The following CDH11 variants were observed in gnomAD, a reference collection of about 807,000 sequenced individuals.
The protein encoded by CDH11 is cadherin 11.
A neutral mutation model predicts 67.8 loss-of-function variants in CDH11; 11 were observed. The ratio of observed to expected loss-of-function variants is 0.16; its 90% confidence interval spans 0.10 to 0.27. The LOEUF is 0.27. Among genes scored for constraint, CDH11 ranks in the 10% least tolerant of loss-of-function variants. CDH11 has a pLI of 1.00. For synonymous variants in CDH11, 419 were observed against 400.0 expected (o/e 1.05, Z -0.57); for missense variants, 847 against 1,031.2 (o/e 0.82, Z 2.45).
intron 1 of CDH11, among the ~76,000 whole-genome samples, chr16:65,113,023 C>T (rs1195773917): frequency 6.6e-6 from 1 of 152,226 alleles, no homozygotes; most frequent in African/African-American, 2.4e-5. Flanking sequence ...CACGCTGGCT[C>T]ACGCCTGTAA....
At chr16:65,122,892 C>G (rs894350359), upstream of CDH11, among the ~76,000 whole-genome samples, 1 of 152,204 alleles carries the variant, frequency 6.6e-6, no homozygotes, top group Non-Finnish European at 1.5e-5. Context: ...CAGTGGCCCC[C>G]GCCGGTAGTG....
At chr16:64,979,190 G>A (rs1169919961) in intron 8 of CDH11, among the ~76,000 whole-genome samples, 4 of 152,174 alleles carry the variant, frequency 2.6e-5, no homozygotes, top group East Asian at 3.9e-4. Context: ...TGGCTCATGC[G>A]TGTAATTCCA....
At chr16:65,095,573 C>T (rs1250492906) in intron 1 of CDH11, among the ~76,000 whole-genome samples, 8 of 152,058 alleles carry the variant, frequency 5.3e-5, no homozygotes, top group Admixed American at 5.2e-4. Context: ...GTGAAAAATC[C>T]TCCTAGATTA....
intron 4 of CDH11, among the ~76,000 whole-genome samples, chr16:64,993,403 A>G (rs370526640): frequency 4.7e-4 from 72 of 152,324 alleles, no homozygotes; most frequent in African/African-American, 1.6e-3. Context: ...ATCTTCCCAG[A>G]GTATAATAAA....
chr16:65,122,127 G>A (rs1313244327), upstream of CDH11: 3 of 516,104 alleles, frequency 5.8e-6, no homozygotes, highest in Non-Finnish European at 3.4e-6. Flanking sequence ...CGGGCAGGCG[G>A]GTGCGGGGCG....
At chr16:64,999,235 C>T (rs1400676734) in intron 3 of CDH11, among the ~76,000 whole-genome samples, 1 of 152,152 alleles carries the variant, frequency 6.6e-6, no homozygotes, top group Non-Finnish European at 1.5e-5. Context: ...AGTAAGTCTT[C>T]CTCTCAGCTC....
chr16:64,955,144 G>C (rs1023545937), intron 11 of CDH11, among the ~76,000 whole-genome samples: 2 of 152,104 alleles, frequency 1.3e-5, no homozygotes, highest in Non-Finnish European at 2.9e-5. Context: ...TACTCGGGAG[G>C]CTGAGGCAGG....
chr16:64,954,948 T>TAAA lies in CDH11; in HGVS notation c.1643-3933_1643-3931dup, dbSNP rs71143536. Among the ~76,000 whole-genome samples the TAAA allele has an allele frequency of 9.5e-3, 1,159 of 121,364 alleles. 43 individuals are homozygous for TAAA. The highest frequency in any genetic ancestry group is 0.075 in the Admixed American group (947 of 12,560). The allele number at this position is 121,364 out of a possible 152,430, so 79.6% of individuals were successfully genotyped here. On this transcript the variant is annotated intron_variant, in intron 11 of 12. Coordinates refer to ENST00000268603, the MANE Select transcript of CDH11 (RefSeq NM_001797.4). The stretch of plus-strand genomic sequence containing the variant: ...GTAAAACCCTCTCTCTACTAAAAAA[T>TAAA]AAAAAAAAAAAAAAAAGGCCAGGCA...
intron 1 of CDH11, among the ~76,000 whole-genome samples, chr16:65,081,961 G>C (rs556928800): frequency 5.3e-5 from 8 of 152,180 alleles, no homozygotes; most frequent in African/African-American, 1.9e-4. Context: ...GCTGAGGACT[G>C]AGTCCTCCAG....
At chr16:65,056,339 C>T (rs568232355) in intron 1 of CDH11, among the ~76,000 whole-genome samples, 30 of 152,254 alleles carry the variant, frequency 2.0e-4, no homozygotes, top group African/African-American at 7.0e-4. Flanking sequence ...ACTAAAGATG[C>T]CATCTTGGAC....
chr16:64,965,939 T>G (rs999028777), intron 11 of CDH11, among the ~76,000 whole-genome samples: 1 of 152,044 alleles, frequency 6.6e-6, no homozygotes, highest in Non-Finnish European at 1.5e-5. Flanking sequence ...TGTTATTTGA[T>G]AGCAGACTTG....
intron 6 of CDH11, chr16:64,991,532 T>C: frequency 2.2e-6 from 1 of 462,662 alleles, no homozygotes; most frequent in Admixed American, 3.3e-5. Context: ...CGATATTTTG[T>C]TTCCAGGGTT....
At chr16:64,951,593 C>A (rs2071363168) in intron 11 of CDH11, among the ~76,000 whole-genome samples, 1 of 152,094 alleles carries the variant, frequency 6.6e-6, no homozygotes, top group African/African-American at 2.4e-5. Context: ...CTTCAGCAAT[C>A]TACTCTATGT....
chr16:65,013,719 C>T (rs1404958395), intron 2 of CDH11, among the ~76,000 whole-genome samples: 5 of 151,522 alleles, frequency 3.3e-5, no homozygotes, highest in African/African-American at 9.7e-5. Flanking sequence ...CCCAGCTACT[C>T]GGGAGGCTGA....
intron 11 of CDH11, among the ~76,000 whole-genome samples, chr16:64,970,569 G>A (rs2071978101): frequency 6.6e-6 from 1 of 152,172 alleles, no homozygotes. Context: ...AAGGATCTTG[G>A]CATGGGTCGT....
chr16:65,096,422 T>C (rs1188383964), intron 1 of CDH11, among the ~76,000 whole-genome samples: 1 of 144,850 alleles, frequency 6.9e-6, no homozygotes, highest in African/African-American at 2.7e-5. Context: ...TGTGTGTGTG[T>C]GTGTGTGTGT....
intron 8 of CDH11, among the ~76,000 whole-genome samples, chr16:64,974,995 T>C (rs1257082600): frequency 6.6e-6 from 1 of 152,186 alleles, no homozygotes; most frequent in Non-Finnish European, 1.5e-5. Context: ...GCGTATTTTT[T>C]TTCCCAAACA....
Position 65,076,345 on chromosome 16 carries a change from AAAAAAC to A in CDH11, c.-297-22423_-297-22418del, listed in dbSNP as rs573189040. 4.9e-4 allele frequency among the ~76,000 whole-genome samples: 75 copies of A among 152,122 alleles called. 1 individual carries two copies. The South Asian group carries it at 0.011, about 23-fold the overall frequency. On this transcript the variant is annotated intron_variant, in intron 1 of 12. Coordinates refer to ENST00000268603, the MANE Select transcript of CDH11 (RefSeq NM_001797.4). ...TTTACAGGGTGATGCCGACAAACCA[AAAAAAC>A]AAAAACAAAAACAAAAACAAAAAAC...
intron 1 of CDH11, chr16:65,119,197 G>A (rs1340060289): frequency 6.6e-6 from 1 of 152,064 alleles, no homozygotes; most frequent in African/African-American, 2.4e-5. Flanking sequence ...GAATTATGAA[G>A]ACAAGTGCAT....
Sources: allele counts gnomAD v4.1 joint callset (sites outside exome capture counted in the v4.1 genomes callset), GRCh38; gene constraint gnomAD v4.1.1; transcripts MANE v1.5; gene names NCBI Gene and HGNC (gene_info 2026-07-23, HGNC 2026-07-21).